The following SLC7A8 variants were observed in gnomAD, a reference collection of about 807,000 sequenced individuals.
SLC7A8 encodes large neutral amino acids transporter small subunit 2.
SLC7A8 carries 30 observed loss-of-function variants against 51.2 expected under a neutral mutation model. That is an observed-to-expected ratio of 0.59 (90% CI 0.44 to 0.80). The LOEUF (loss-of-function observed/expected upper bound fraction) is 0.80. Ranked by LOEUF, SLC7A8 falls within the 30% of genes least tolerant of loss-of-function variation. The pLI is 0.00. For missense variants in SLC7A8, 612 were observed against 674.4 expected (o/e 0.91, Z 1.03); for synonymous variants, 257 against 275.8 (o/e 0.93, Z 0.67).
At chr14:23,131,200 T>C (rs2140302082) in intron 8 of SLC7A8, among the ~76,000 whole-genome samples, 1 of 152,296 alleles carries the variant, frequency 6.6e-6, no homozygotes, top group Admixed American at 6.5e-5. Context: ...GTCAGTTCAG[T>C]CTGACCCAAA....
intron 1 of SLC7A8, among the ~76,000 whole-genome samples, chr14:23,173,264 T>C (rs372353660): frequency 1.2e-4 from 19 of 152,210 alleles, no homozygotes; most frequent in African/African-American, 4.3e-4. Context: ...ATGAGGGCTA[T>C]TGCAATATAT....
chr14:23,131,693 T>C (rs1594816490), intron 7 of SLC7A8, 136 bp from the exon 8 acceptor site: 2 of 582,728 alleles, frequency 3.4e-6, no homozygotes, highest in Middle Eastern at 4.6e-4. Flanking sequence ...ATGCATACTT[T>C]CCACCCCACC....
intron 4 of SLC7A8, among the ~76,000 whole-genome samples, chr14:23,140,996 T>C (rs1465459104): frequency 6.6e-6 from 1 of 152,206 alleles, no homozygotes; most frequent in Non-Finnish European, 1.5e-5. Flanking sequence ...TGAAGAAGCA[T>C]CCAGGGTTGG....
At chr14:23,146,187 A>AAAGG (rs1172272859) in intron 3 of SLC7A8, among the ~76,000 whole-genome samples, 1 of 152,200 alleles carries the variant, frequency 6.6e-6, no homozygotes, top group African/African-American at 2.4e-5. Context: ...GAGATTGATA[A>AAAGG]AAGGAAGGAA....
intron 3 of SLC7A8, among the ~76,000 whole-genome samples, chr14:23,160,974 CT>C (rs1566370094): frequency 6.6e-6 from 1 of 150,492 alleles, no homozygotes; most frequent in Non-Finnish European, 1.5e-5. Flanking sequence ...TTTTTCTTTT[CT>C]TTTTTTACTG....
At chr14:23,139,679 G>T in intron 5 of SLC7A8, 132 bp from the exon 6 acceptor site, 1 of 1,164,860 alleles carries the variant, frequency 8.6e-7, no homozygotes, top group Non-Finnish European at 1.2e-6. Context: ...TCCTTTCCCT[G>T]GGAGGTGGGC....
intron 1 of SLC7A8, among the ~76,000 whole-genome samples, chr14:23,169,218 C>T (rs998142954): frequency 6.6e-6 from 1 of 152,108 alleles, no homozygotes; most frequent in Admixed American, 6.6e-5. Flanking sequence ...ATTAGCCAGA[C>T]ATGGTGGCAT....
chr14:23,168,761 G>A (rs941230237), intron 1 of SLC7A8, among the ~76,000 whole-genome samples: 47 of 152,184 alleles, frequency 3.1e-4, no homozygotes, highest in African/African-American at 1.0e-3. Context: ...CTAAGGGTTC[G>A]TAGAAAACAA....
At chr14:23,176,234 C>T (rs958998404) in intron 1 of SLC7A8, among the ~76,000 whole-genome samples, 1 of 152,212 alleles carries the variant, frequency 6.6e-6, no homozygotes, top group African/African-American at 2.4e-5. Flanking sequence ...ATCTTTTATA[C>T]TTGAAATTTT....
chr14:23,138,302 A>C (rs958766432), intron 6 of SLC7A8: 3 of 368,852 alleles, frequency 8.1e-6, no homozygotes, highest in African/African-American at 6.2e-5. Context: ...GAACTGAGTC[A>C]CATAGTGATT....
chr14:23,178,520 C>G (rs17127407), intron 1 of SLC7A8, among the ~76,000 whole-genome samples: 2,944 of 152,132 alleles, frequency 0.019, 35 homozygotes, highest in African/African-American at 0.028. Flanking sequence ...GTCCTAGAGT[C>G]GGTTAAATTC....
chr14:23,140,372 T>C (rs1293077663), intron 5 of SLC7A8, 99 bp downstream of exon 5: 35 of 1,280,686 alleles, frequency 2.7e-5, no homozygotes, highest in Non-Finnish European at 3.6e-5. Context: ...AATGGGGCTT[T>C]GGAAGGCGAG....
chr14:23,159,501 G>T (rs2048910464), intron 3 of SLC7A8, among the ~76,000 whole-genome samples: 1 of 152,242 alleles, frequency 6.6e-6, no homozygotes, highest in African/African-American at 2.4e-5. Context: ...CTAGGGAAGG[G>T]CAAGAAGGCA....
chr14:23,139,661 G>A (rs983745631), intron 5 of SLC7A8, 114 bp from the exon 6 acceptor site: 2 of 1,305,602 alleles, frequency 1.5e-6, no homozygotes, highest in Non-Finnish European at 1.0e-6. Flanking sequence ...ACAGCCTTCT[G>A]TGAGGCTTCC....
In SLC7A8 at chr14:23,182,818, C is replaced by A. The variant is rs755301751; in HGVS notation, c.97G>T (p.Gly33Ter). 3.7e-6 allele frequency: 6 copies of A among 1,613,524 alleles called. No individual in the cohort carries two copies. The highest frequency in any genetic ancestry group is 5.1e-6 in the Non-Finnish European group (6 of 1,179,770). ...ASPEAGSGGG[G>*]VALKKEIGLV... ...CCGATCTCTTTCTTCAGGGCTACTCCGCCCCCTCCGGAACCAGCCTCGGGG... is the reference window on the plus strand; with the variant it reads ...CCGATCTCTTTCTTCAGGGCTACTCAGCCCCCTCCGGAACCAGCCTCGGGG... Residue 33 changes from glycine to a stop codon, truncating the protein, a stop_gained, in exon 1 of 11, where the codon GGA becomes TGA. Transcript: ENST00000316902. LOFTEE classifies it high-confidence loss of function.
intron 7 of SLC7A8, 94 bp downstream of exon 7, chr14:23,137,827 G>T (rs1330569670): frequency 2.7e-6 from 4 of 1,491,310 alleles, no homozygotes; most frequent in Non-Finnish European, 3.6e-6. Flanking sequence ...TGCCCACACA[G>T]ACCCCTGCTG....
At chr14:23,155,083 A>G (rs1193273985) in intron 3 of SLC7A8, 7 of 1,167,144 alleles carry the variant, frequency 6.0e-6, no homozygotes, top group Non-Finnish European at 8.4e-6. Context: ...CACAGTGGGG[A>G]GTGTGGTTTT....
At chr14:23,143,816 C>T (rs2048766823) in intron 3 of SLC7A8, among the ~76,000 whole-genome samples, 1 of 152,182 alleles carries the variant, frequency 6.6e-6, no homozygotes, top group Non-Finnish European at 1.5e-5. Flanking sequence ...TTAGGCAAAT[C>T]TTCTTCCCCT....
intron 3 of SLC7A8, among the ~76,000 whole-genome samples, chr14:23,163,093 G>A (rs914472939): frequency 3.3e-5 from 5 of 152,086 alleles, no homozygotes; most frequent in Admixed American, 1.3e-4. Flanking sequence ...GCTCTTCCCC[G>A]CTCCCCATCT....
Sources: allele counts gnomAD v4.1 joint callset (sites outside exome capture counted in the v4.1 genomes callset), GRCh38; gene constraint gnomAD v4.1.1; transcripts MANE v1.5; gene names NCBI Gene and HGNC (gene_info 2026-07-23, HGNC 2026-07-21).